GLS: variants seen among roughly 807,000 people sequenced by gnomAD.
The protein encoded by GLS is glutaminase, also known as glutaminase kidney isoform, mitochondrial.
In GLS, 36 loss-of-function variants were observed where a neutral mutation model predicts 86.7. The ratio of observed to expected loss-of-function variants is 0.42; its 90% CI spans 0.32 to 0.55. The LOEUF (loss-of-function observed/expected upper bound fraction) is 0.55. GLS is among the 20% of genes least tolerant of loss of function. The pLI, the probability that GLS is intolerant of heterozygous loss-of-function variation, is 0.17. For missense variants in GLS, 528 were observed against 833.4 expected (o/e 0.63, Z 4.51); for synonymous variants, 317 against 305.9 (o/e 1.04, Z -0.38).
Position 190,905,263 on chromosome 2 carries a change from T to C in GLS, c.979+96T>C. The C allele has an allele frequency of 1.4e-6, 1 of 728,966 alleles. No homozygotes were observed. Among genetic ancestry groups the C allele is most frequent in the South Asian group, 1.9e-5 (1 of 52,966 alleles). The allele number at this position is 728,966 out of a possible 1,614,324, so 45.2% of individuals were successfully genotyped here. A position where few individuals can be genotyped will look rare whatever the true frequency, so the allele number is the denominator to read the frequency against. ...AACATTTTTTGATTAAAATTAAAAG[T>C]ATTTGTCATGTGATTTCTATATAAT... On this transcript the variant is annotated intron_variant, in intron 6 of 17. Coordinates refer to ENST00000320717, the MANE Select transcript of GLS (RefSeq NM_014905.5). This position sits in a 1 kb window ranked among gnomAD's most constrained non-coding sequence, Gnocchi z 4.6.
chr2:190,907,020 C>A (rs1287431687), intron 6 of GLS, among the ~76,000 whole-genome samples: 4 of 150,808 alleles, frequency 2.7e-5, no homozygotes, highest in Non-Finnish European at 5.9e-5. Flanking sequence ...AGCTCTGCCC[C>A]CCGGGTTCAC....
At position 190,895,310 on chromosome 2, in the gene GLS, A is replaced by G. The variant is rs1471441975; in HGVS notation, c.483+62A>G. On this transcript the variant is annotated intron_variant, in intron 2 of 17. Coordinates refer to ENST00000320717, the MANE Select transcript of GLS (RefSeq NM_014905.5). The surrounding 1 kb of genome is among the most constrained non-coding windows in gnomAD (Gnocchi z 4.2). ...ATCAATAATAATAAATATATACAGT[A>G]TTATTGAAATATAGTCTTAAAGGTC... 4 of 673,128 alleles carry G rather than the reference A, an allele frequency of 5.9e-6. No homozygotes were observed. The highest frequency in any genetic ancestry group is 1.0e-5 in the Non-Finnish European group (4 of 383,828). 41.7% of individuals were successfully genotyped at this position (673,128 alleles called of 1,614,324 possible).
At chr2:190,881,601 C>T in intron 1 of GLS, 131 bp downstream of exon 1, 1 of 884,486 alleles carries the variant, frequency 1.1e-6, no homozygotes. Flanking sequence ...TGCCGGGCGG[C>T]CTGCGCCGTC....
Position 190,953,045 on chromosome 2 carries a change from G to T in GLS, c.1651-520G>T, listed in dbSNP as rs1423221383. ...GTACCACCTGGGCATTGAACTGAAGGCTGTCTTTCCAGTGAAGTAAAGTTT... is the reference window on the plus strand; with the variant it reads ...GTACCACCTGGGCATTGAACTGAAGTCTGTCTTTCCAGTGAAGTAAAGTTT... On this transcript the variant is annotated intron_variant, in intron 14 of 17. Transcript: ENST00000320717. This position sits in a 1 kb window ranked among gnomAD's most constrained non-coding sequence, Gnocchi z 4.0. 2.6e-5 allele frequency among the ~76,000 whole-genome samples: 4 copies of T among 152,198 alleles called. No individual in the cohort carries two copies. Among genetic ancestry groups the T allele is most frequent in the Non-Finnish European group, 4.4e-5 (3 of 68,036 alleles).
intron 1 of GLS, among the ~76,000 whole-genome samples, chr2:190,888,927 C>T (rs1298805679): frequency 6.6e-6 from 1 of 152,090 alleles, no homozygotes; most frequent in African/African-American, 2.4e-5. Context: ...CCACTTTAAC[C>T]ATTTTTAAGT....
intron 7 of GLS, among the ~76,000 whole-genome samples, chr2:190,917,458 A>G (rs760888789): frequency 1.3e-5 from 2 of 152,198 alleles, no homozygotes; most frequent in Non-Finnish European, 2.9e-5. Flanking sequence ...ATTGGAATCA[A>G]CTTCATTTGA....
In GLS at chr2:190,923,904, T is replaced by TTTC. The variant is rs775465614; in HGVS notation, c.1131-6_1131-4dup. 6.5e-7 allele frequency: 1 copy of TTTC among 1,527,146 alleles called. No homozygotes were observed. Among genetic ancestry groups the TTTC allele is most frequent in the African/African-American group, 1.4e-5 (1 of 72,504 alleles). 94.6% of individuals were successfully genotyped at this position (1,527,146 alleles called of 1,614,324 possible). A position where few individuals can be genotyped will look rare whatever the true frequency, so the allele number is the denominator to read the frequency against. The stretch of plus-strand genomic sequence containing the variant: ...AAAGTACATAGAGCAAATGTTTTTT[T>TTTC]TTCTTCTTCCAGGTTTCAGTCTGAA... On this transcript the variant is annotated splice_polypyrimidine_tract_variant and intron_variant, in intron 9 of 17. Transcript: ENST00000320717.
chr2:190,935,617 C>T lies in GLS; in HGVS notation c.1650+3980C>T, dbSNP rs1236459065. Among the ~76,000 whole-genome samples the T allele has an allele frequency of 2.0e-5, 3 of 150,836 alleles. No individual in the cohort carries two copies. Among genetic ancestry groups the T allele is most frequent in the African/African-American group, 7.3e-5 (3 of 41,246 alleles). ...TTGGTAACTTTAAAAAAAGTGCAAC[C>T]CTATTTGTAGGTTATTTCTGCTTTC... On this transcript the variant is annotated intron_variant, in intron 14 of 17. Coordinates refer to ENST00000320717, the MANE Select transcript of GLS (RefSeq NM_014905.5). The surrounding 1 kb of genome is among the most constrained non-coding windows in gnomAD (Gnocchi z 4.2).
intron 14 of GLS, among the ~76,000 whole-genome samples, chr2:190,932,013 G>A (rs530362408): frequency 1.1e-4 from 16 of 152,034 alleles, no homozygotes; most frequent in South Asian, 6.2e-4. Flanking sequence ...AGAAAGCATC[G>A]TTTTAATATT....
At chr2:190,907,677 A>G (rs996036601) in intron 6 of GLS, among the ~76,000 whole-genome samples, 5 of 152,222 alleles carry the variant, frequency 3.3e-5, no homozygotes, top group Non-Finnish European at 5.9e-5. Flanking sequence ...GCAAACTACC[A>G]TCTCCCAGGG....
rs539985522 is a variant in GLS at position 190,948,065 on chromosome 2, C to G, written c.1651-5500C>G. On this transcript the variant is annotated intron_variant, in intron 14 of 17. Transcript: ENST00000320717. Reference sequence around the variant, plus strand: ...TTAAAAGTATAGGGGGCTGTTGATGCTAGAAAGAAGAGGAATTTGTGGTTT... The same window carrying G: ...TTAAAAGTATAGGGGGCTGTTGATGGTAGAAAGAAGAGGAATTTGTGGTTT... Among the ~76,000 whole-genome samples, 12 of 152,302 alleles carry G rather than the reference C, an allele frequency of 7.9e-5. No individual in the cohort carries two copies. The South Asian group carries it at 2.5e-3, about 32-fold the overall frequency.
chr2:190,911,623 T>C (rs1228907732), intron 7 of GLS, among the ~76,000 whole-genome samples: 1 of 152,098 alleles, frequency 6.6e-6, no homozygotes, highest in Non-Finnish European at 1.5e-5. Context: ...TGGGTCCTTA[T>C]AAGAAAATTC....
At chr2:190,886,251 T>G (rs1334348860) in intron 1 of GLS, among the ~76,000 whole-genome samples, 1 of 152,242 alleles carries the variant, frequency 6.6e-6, no homozygotes, top group Non-Finnish European at 1.5e-5. Flanking sequence ...ATATTTATAT[T>G]GAAATGTGCA....
rs1689744709 is a variant in GLS, at chr2:190,921,734, A to G, written c.1130+531A>G. 1.3e-5 allele frequency among the ~76,000 whole-genome samples: 2 copies of G among 151,996 alleles called. No individual in the cohort carries two copies. The highest frequency in any genetic ancestry group is 4.8e-5 in the African/African-American group (2 of 41,436). On this transcript the variant is annotated intron_variant, in intron 9 of 17. Coordinates refer to ENST00000320717, the MANE Select transcript of GLS (RefSeq NM_014905.5). This position sits in a 1 kb window ranked among gnomAD's most constrained non-coding sequence, Gnocchi z 4.2. ...GCATCATACTTCACCCTTAGATAAG[A>G]AAGCACATACAGTCTAAGAATAAGG...
intron 17 of GLS, among the ~76,000 whole-genome samples, chr2:190,959,389 G>A (rs1457724741): frequency 6.6e-6 from 1 of 151,976 alleles, no homozygotes; most frequent in Non-Finnish European, 1.5e-5. Flanking sequence ...GCCATTCTGT[G>A]TCTTTTAATT....
intron 1 of GLS, among the ~76,000 whole-genome samples, chr2:190,884,338 A>G (rs1193585999): frequency 6.6e-6 from 1 of 152,154 alleles, no homozygotes; most frequent in Admixed American, 6.5e-5. Flanking sequence ...AATGACTTCA[A>G]ATTTTAAGTC....
chr2:190,906,867 CT>C (rs1689156260), intron 6 of GLS, among the ~76,000 whole-genome samples: 1 of 150,984 alleles, frequency 6.6e-6, no homozygotes, highest in African/African-American at 2.4e-5. Context: ...GTTACACCAG[CT>C]TTATAAGATT....
intron 6 of GLS, among the ~76,000 whole-genome samples, chr2:190,906,557 A>T (rs921421924): frequency 5.3e-5 from 8 of 152,206 alleles, no homozygotes; most frequent in African/African-American, 1.4e-4. Flanking sequence ...AATAAAACAT[A>T]AAGTTTAACA....
chr2:190,885,802 CATT>C (rs902264640), intron 1 of GLS, among the ~76,000 whole-genome samples: 6 of 151,064 alleles, frequency 4.0e-5, no homozygotes, highest in African/African-American at 1.2e-4. Context: ...TTGATTTCTT[CATT>C]ATTAAAAATT....
Sources: allele counts gnomAD v4.1 joint callset (sites outside exome capture counted in the v4.1 genomes callset), GRCh38; gene constraint gnomAD v4.1.1; non-coding constraint Gnocchi (gnomAD v3.1); transcripts MANE v1.5; gene names NCBI Gene and HGNC (gene_info 2026-07-23, HGNC 2026-07-21).